Variants in EDN3 observed in about 807,000 individuals in gnomAD.
The protein encoded by EDN3 is endothelin 3.
EDN3 carries 9 observed loss-of-function variants against 21.4 expected under a neutral mutation model. That is an observed-to-expected ratio of 0.42 (90% confidence interval 0.25 to 0.73). The LOEUF (loss-of-function observed/expected upper bound fraction) is 0.73. Among genes scored for constraint, EDN3 ranks in the 30% least tolerant of loss-of-function variants. The pLI, the probability that EDN3 is intolerant of heterozygous loss-of-function variation, is 0.26. For synonymous variants in EDN3, 133 were observed against 126.2 expected (o/e 1.05, Z -0.36); for missense variants, 327 against 309.4 (o/e 1.06, Z -0.43).
intron 2 of EDN3, among the ~76,000 whole-genome samples, chr20:59,316,392 T>TG (rs1443997627): frequency 3.3e-5 from 5 of 152,156 alleles, no homozygotes; most frequent in Non-Finnish European, 4.4e-5. Flanking sequence ...TATTCAGTTG[T>TG]GGGGGGTGGA....
intron 2 of EDN3, among the ~76,000 whole-genome samples, chr20:59,312,758 T>C (rs1442184700): frequency 6.6e-6 from 1 of 152,172 alleles, no homozygotes; most frequent in Non-Finnish European, 1.5e-5. Flanking sequence ...TTTAAGGATG[T>C]TCAAGGGATG....
chr20:59,310,670 A>T (rs1989744833), intron 2 of EDN3, among the ~76,000 whole-genome samples: 1 of 152,186 alleles, frequency 6.6e-6, no homozygotes. Flanking sequence ...ACAGTAACTC[A>T]GGAACAGAAC....
intron 2 of EDN3, among the ~76,000 whole-genome samples, chr20:59,319,726 CA>C (rs528500611): frequency 2.8e-3 from 147 of 52,390 alleles, no homozygotes; most frequent in Non-Finnish European, 3.5e-3. Flanking sequence ...GACTCTGTCT[CA>C]AAAAAAAAAA....
chr20:59,302,793 G>A (rs1005150812), intron 2 of EDN3, among the ~76,000 whole-genome samples: 13 of 152,224 alleles, frequency 8.5e-5, no homozygotes, highest in South Asian at 2.1e-4. Flanking sequence ...ACCGTGTCCC[G>A]GAGCCGTCTT....
At position 59,301,671 on chromosome 20, in the gene EDN3, A is replaced by G. The variant is rs1271355002; in HGVS notation, c.314A>G (p.Lys105Arg). 6 of 1,614,108 alleles carry G rather than the reference A, an allele frequency of 3.7e-6. No homozygotes were observed. The South Asian group carries it at 6.6e-5, about 18-fold the overall frequency. Residue 105 changes from lysine (K) to arginine (R), a missense_variant, in exon 2 of 5, where the codon AAG (lysine) becomes AGG (arginine). Coordinates refer to ENST00000337938, the MANE Select transcript of EDN3 (RefSeq NM_207034.3). ...RRCTCFTYKDKECVYYCHLDI... is the reference protein window; with the variant it reads ...RRCTCFTYKDRECVYYCHLDI... Reference sequence around the variant, plus strand: ...TGCACGTGCTTCACCTACAAGGACAAGGAGTGTGTCTACTATTGCCACCTG... The same window carrying G: ...TGCACGTGCTTCACCTACAAGGACAGGGAGTGTGTCTACTATTGCCACCTG...
chr20:59,317,271 C>T (rs1007425435), intron 2 of EDN3, among the ~76,000 whole-genome samples: 2 of 152,144 alleles, frequency 1.3e-5, no homozygotes, highest in African/African-American at 4.8e-5. Flanking sequence ...AAGGTGGTGT[C>T]GAATGAGGTG....
chr20:59,321,584 TAA>T (rs1990549471), intron 3 of EDN3, among the ~76,000 whole-genome samples: 1 of 151,874 alleles, frequency 6.6e-6, no homozygotes, highest in South Asian at 2.1e-4. Flanking sequence ...TAGCCCATGA[TAA>T]GAGTGCAAAA....
chr20:59,325,234 A>G lies in EDN3; in HGVS notation c.*775A>G, dbSNP rs1356333213. On this transcript the variant is annotated 3_prime_UTR_variant, in exon 5 of 5. Coordinates refer to ENST00000337938, the MANE Select transcript of EDN3 (RefSeq NM_207034.3). Reference sequence around the variant, plus strand: ...GGAAGCCGACTGTAAAGACAGCCCCAGCTCAAGGCTATTAGGTTGAATATT... The same window carrying G: ...GGAAGCCGACTGTAAAGACAGCCCCGGCTCAAGGCTATTAGGTTGAATATT... 2 of 152,514 alleles carry G rather than the reference A, an allele frequency of 1.3e-5. No individual in the cohort carries two copies. The highest frequency in any genetic ancestry group is 4.8e-5 in the African/African-American group (2 of 41,460). 9.4% of individuals were successfully genotyped at this position (152,514 alleles called of 1,614,324 possible).
At position 59,322,984 on chromosome 20, in the gene EDN3, C is replaced by A. The variant is rs532066528; in HGVS notation, c.588+567C>A. ...TATGAGAGATCCTGAGGGTTTCCTG[C>A]AGTCAAACTGGGTTTATTTGTCATT... On this transcript the variant is annotated intron_variant, in intron 4 of 4. Transcript: ENST00000337938. The surrounding 1 kb of genome is among the most constrained non-coding windows in gnomAD (Gnocchi z 4.1). Among the ~76,000 whole-genome samples, 1 of 152,126 alleles carries A rather than the reference C, an allele frequency of 6.6e-6. No individual in the cohort carries two copies. Among genetic ancestry groups the A allele is most frequent in the African/African-American group, 2.4e-5 (1 of 41,408 alleles).
chr20:59,315,272 C>T (rs189966058), intron 2 of EDN3, among the ~76,000 whole-genome samples: 2 of 152,338 alleles, frequency 1.3e-5, no homozygotes, highest in East Asian at 3.9e-4. Flanking sequence ...CTGCTGGTGC[C>T]TGGCAGCTGG....
At chr20:59,304,756 G>T (rs1989283334) in intron 2 of EDN3, among the ~76,000 whole-genome samples, 2 of 152,128 alleles carry the variant, frequency 1.3e-5, no homozygotes, top group South Asian at 4.1e-4. Context: ...GGTCTCTTAA[G>T]TCTCTTTTGG....
rs1487986984 is a variant in EDN3 at position 59,302,605 on chromosome 20, C to T, written c.365+883C>T. Among the ~76,000 whole-genome samples, 5 of 152,292 alleles carry T rather than the reference C, an allele frequency of 3.3e-5. No homozygotes were observed. The South Asian group carries it at 1.0e-3, about 32-fold the overall frequency. ...CTTGCCTGGGTCACCAACTCTCTGGCATTGGCTTCCCCATCTCTAAGATCT... is the reference window on the plus strand; with the variant it reads ...CTTGCCTGGGTCACCAACTCTCTGGTATTGGCTTCCCCATCTCTAAGATCT... On this transcript the variant is annotated intron_variant, in intron 2 of 4. Coordinates refer to ENST00000337938, the MANE Select transcript of EDN3 (RefSeq NM_207034.3).
rs1186875427 is a variant in EDN3, at chr20:59,301,425, C to G, written c.68C>G (p.Ser23Cys). ...VTSAAGFVPC[S>C]QSGDAGRRGV... ...CCTTCTGCAGGATTCGTGCCTTGCTCCCAGTCTGGGGATGCTGGCAGGCGC... is the reference window on the plus strand; with the variant it reads ...CCTTCTGCAGGATTCGTGCCTTGCTGCCAGTCTGGGGATGCTGGCAGGCGC... Residue 23 changes from serine (S) to cysteine (C), a missense_variant, in exon 2 of 5, where the codon TCC becomes TGC. Transcript: ENST00000337938. 1.9e-6 allele frequency: 3 copies of G among 1,611,832 alleles called. No individual in the cohort carries two copies. The highest frequency in any genetic ancestry group is 2.7e-5 in the African/African-American group (2 of 74,924).
Position 59,322,680 on chromosome 20 carries a change from G to T in EDN3, c.588+263G>T, listed in dbSNP as rs965809292. Among the ~76,000 whole-genome samples the T allele has an allele frequency of 6.6e-6, 1 of 152,192 alleles. No individual in the cohort carries two copies. The highest frequency in any genetic ancestry group is 2.4e-5 in the African/African-American group (1 of 41,454). The stretch of plus-strand genomic sequence containing the variant: ...CTCTGTGTCCTGGGAGCCAGCCCTT[G>T]CATCCCTTGTAGCTCTGGGCAGTGA... On this transcript the variant is annotated intron_variant, in intron 4 of 4. Transcript: ENST00000337938. The surrounding 1 kb of genome is among the most constrained non-coding windows in gnomAD (Gnocchi z 4.1).
intron 2 of EDN3, among the ~76,000 whole-genome samples, chr20:59,310,201 G>A (rs927401213): frequency 6.6e-6 from 1 of 152,104 alleles, no homozygotes; most frequent in African/African-American, 2.4e-5. Flanking sequence ...CCCTGTCTAC[G>A]GCACCACCCC....
At position 59,322,226 on chromosome 20, in the gene EDN3, C is replaced by T. The variant is rs1314714264; in HGVS notation, c.543-146C>T. ...AGAAATCCACCCACCGAGTGCTCAG[C>T]CTTCAGAAACTGTGCCTGAGACGCA... On this transcript the variant is annotated intron_variant, in intron 3 of 4. Transcript: ENST00000337938. The surrounding 1 kb of genome is among the most constrained non-coding windows in gnomAD (Gnocchi z 4.1). The T allele has an allele frequency of 1.2e-6, 1 of 844,026 alleles. No individual in the cohort carries two copies. Among genetic ancestry groups the T allele is most frequent in the African/African-American group, 1.7e-5 (1 of 59,582 alleles). The allele number at this position is 844,026 out of a possible 1,614,324, so 52.3% of individuals were successfully genotyped here.
At chr20:59,313,368 C>T (rs1381051909) in intron 2 of EDN3, among the ~76,000 whole-genome samples, 1 of 152,144 alleles carries the variant, frequency 6.6e-6, no homozygotes, top group Admixed American at 6.5e-5. Context: ...GTGCCTGGGC[C>T]AGACACCATC....
intron 2 of EDN3, among the ~76,000 whole-genome samples, chr20:59,319,787 A>G (rs1394336454): frequency 2.0e-5 from 3 of 152,034 alleles, no homozygotes; most frequent in Non-Finnish European, 4.4e-5. Flanking sequence ...GAAAATGCAG[A>G]GGGGATGTCA....
chr20:59,307,480 C>T (rs759543209), intron 2 of EDN3, among the ~76,000 whole-genome samples: 8 of 152,208 alleles, frequency 5.3e-5, no homozygotes, highest in Non-Finnish European at 8.8e-5. Context: ...GGCCCTGAAG[C>T]CTGCCCTGTA....
Sources: gnomAD v4.1 joint callset for allele counts (sites outside exome capture counted in the v4.1 genomes callset) on GRCh38, gnomAD v4.1.1 for gene constraint, Gnocchi (gnomAD v3.1) non-coding constraint, MANE v1.5 for transcripts, NCBI Gene and HGNC (gene_info 2026-07-23, HGNC 2026-07-21) for gene names.